The following ABCC1 variants were observed in gnomAD, a reference collection of about 807,000 sequenced individuals.
ABCC1 encodes ATP binding cassette subfamily C member 1 (ABCC1 blood group).
Under a neutral mutation model 172.9 loss-of-function variants are expected in ABCC1, and 83 were observed. That is an observed-to-expected ratio of 0.48 (90% CI 0.40 to 0.58). The LOEUF (loss-of-function observed/expected upper bound fraction) is 0.58, where lower values mean the gene tolerates loss of function less well. Among genes scored for constraint, ABCC1 ranks in the 20% least tolerant of loss-of-function variants. The pLI, the probability that ABCC1 is intolerant of heterozygous loss-of-function variation, is 0.00. For synonymous variants in ABCC1, 937 were observed against 825.2 expected, an observed-to-expected ratio of 1.14 and a Z score of -2.32; for missense variants, 1,817 against 2,002.7, an observed-to-expected ratio of 0.91 and a Z score of 1.77.
At chr16:15,981,661 T>C (rs1382429055) in intron 1 of ABCC1, among the ~76,000 whole-genome samples, 1 of 152,160 alleles carries the variant, frequency 6.6e-6, no homozygotes, top group Non-Finnish European at 1.5e-5. Flanking sequence ...CCTAGACCTC[T>C]AGGCCTGTGA....
chr16:15,959,524 C>T (rs2046080296), intron 1 of ABCC1, among the ~76,000 whole-genome samples: 1 of 152,124 alleles, frequency 6.6e-6, no homozygotes, highest in Non-Finnish European at 1.5e-5. Context: ...CAGGGTCTCA[C>T]CATGTTGCCC....
At chr16:15,989,319 C>T (rs895584516) in intron 1 of ABCC1, among the ~76,000 whole-genome samples, 2 of 152,174 alleles carry the variant, frequency 1.3e-5, no homozygotes, top group Admixed American at 6.5e-5. Context: ...TCACTGCCCA[C>T]GCGATGCTGG....
intron 1 of ABCC1, among the ~76,000 whole-genome samples, chr16:15,997,268 TTTTTAG>T (rs1021726054): frequency 1.8e-4 from 28 of 152,226 alleles, no homozygotes; most frequent in Admixed American, 1.4e-3. Flanking sequence ...TTTTTTTGTA[TTTTTAG>T]TAGAGACGGG....
intron 1 of ABCC1, among the ~76,000 whole-genome samples, chr16:15,967,207 A>G (rs1209159052): frequency 6.6e-6 from 1 of 152,006 alleles, no homozygotes; most frequent in Non-Finnish European, 1.5e-5. Flanking sequence ...GGGTGAAGAG[A>G]TGTTGTAGCT....
intron 7 of ABCC1, 114 bp from the exon 8 acceptor site, chr16:16,044,336 T>G (rs2049109950): frequency 1.1e-6 from 1 of 915,006 alleles, no homozygotes; most frequent in Non-Finnish European, 1.7e-6. Flanking sequence ...TTCCCTGGGC[T>G]TGTTGTCTTT....
At chr16:16,007,270 C>A (rs944667261) in intron 1 of ABCC1, among the ~76,000 whole-genome samples, 1 of 149,404 alleles carries the variant, frequency 6.7e-6, no homozygotes, top group Non-Finnish European at 1.5e-5. Context: ...CTCTGTTGCC[C>A]AGGGTGTAGT....
At chr16:16,130,204 A>C (rs2045619571) in intron 26 of ABCC1, among the ~76,000 whole-genome samples, 1 of 152,230 alleles carries the variant, frequency 6.6e-6, no homozygotes, top group East Asian at 1.9e-4. Flanking sequence ...TGGATGAGAC[A>C]CTGCGATACA....
chr16:16,110,741 C>G (rs2052349341), intron 21 of ABCC1, among the ~76,000 whole-genome samples: 2 of 152,184 alleles, frequency 1.3e-5, no homozygotes, highest in Admixed American at 6.5e-5. Context: ...CCCAATACCT[C>G]TCTAGACTGC....
chr16:16,117,912 A>C (rs1876919801), intron 23 of ABCC1, among the ~76,000 whole-genome samples: 1 of 152,212 alleles, frequency 6.6e-6, no homozygotes, highest in Non-Finnish European at 1.5e-5. Flanking sequence ...TCTAAAAAAA[A>C]ACAGAGAAGT....
At chr16:15,988,606 C>T (rs978965219) in intron 1 of ABCC1, among the ~76,000 whole-genome samples, 1 of 152,072 alleles carries the variant, frequency 6.6e-6, no homozygotes, top group African/African-American at 2.4e-5. Flanking sequence ...ATGGAGAAAA[C>T]GAGGGTGAGT....
At chr16:16,113,871 G>A (rs979453223) in intron 22 of ABCC1, among the ~76,000 whole-genome samples, 4 of 152,108 alleles carry the variant, frequency 2.6e-5, no homozygotes, top group Admixed American at 2.6e-4. Context: ...TAGATTATCA[G>A]AAGAAGCGCA....
In ABCC1 at chr16:16,079,502, G is replaced by C. The variant is rs770318680; in HGVS notation, c.2115+24G>C. 1.9e-6 allele frequency: 3 copies of C among 1,593,962 alleles called. No homozygotes were observed. The East Asian group carries it at 6.8e-5, about 36-fold the overall frequency. Reference sequence around the variant, plus strand: ...AGGTAGGATGAGGACCAGCGGGGAGGGGCAGTGGGGAAGCTGGTGGTCTGA... The same window carrying C: ...AGGTAGGATGAGGACCAGCGGGGAGCGGCAGTGGGGAAGCTGGTGGTCTGA... On this transcript the variant is annotated intron_variant, in intron 16 of 30. Transcript: ENST00000399410.
intron 7 of ABCC1, 77 bp downstream of exon 7, chr16:16,036,680 G>A (rs1408742772): frequency 7.5e-6 from 11 of 1,475,476 alleles, no homozygotes; most frequent in Non-Finnish European, 1.0e-5. Context: ...TCCAGGATGG[G>A]GCCCTGGCAG....
At chr16:16,132,543 A>G (rs188200435) in intron 27 of ABCC1, among the ~76,000 whole-genome samples, 1,643 of 58,908 alleles carry the variant, frequency 0.028, 25 homozygotes, top group Non-Finnish European at 0.039. Flanking sequence ...TTTTTTTGAG[A>G]TGGAGTCTTA....
intron 13 of ABCC1, 21 bp downstream of exon 13, chr16:16,068,323 G>A (rs201966296): frequency 1.6e-4 from 260 of 1,612,328 alleles, no homozygotes; most frequent in Non-Finnish European, 2.0e-4. Flanking sequence ...AAGCTGGGGC[G>A]ACTTCCGAGA....
intron 1 of ABCC1, among the ~76,000 whole-genome samples, chr16:15,987,031 AG>A (rs2151612998): frequency 6.6e-6 from 1 of 152,172 alleles, no homozygotes; most frequent in East Asian, 1.9e-4. Context: ...TGGGTGTGAT[AG>A]TGTGTGTCTG....
chr16:16,114,313 AGC>A (rs755267272), intron 22 of ABCC1, among the ~76,000 whole-genome samples: 25,941 of 151,966 alleles, frequency 0.17, 2,723 homozygotes, highest in East Asian at 0.4. Flanking sequence ...TCTGAATAAT[AGC>A]TGCCATTATC....
At chr16:16,092,918 G>T (rs2152027555) in intron 19 of ABCC1, among the ~76,000 whole-genome samples, 1 of 152,328 alleles carries the variant, frequency 6.6e-6, no homozygotes, top group East Asian at 1.9e-4. Flanking sequence ...GAGCCTGGGA[G>T]TCAGGCTGCT....
At chr16:16,001,267 A>G (rs1469718452) in intron 1 of ABCC1, among the ~76,000 whole-genome samples, 1 of 152,048 alleles carries the variant, frequency 6.6e-6, no homozygotes, top group Non-Finnish European at 1.5e-5. Flanking sequence ...GCTGGAGTGC[A>G]GTGGCGCGAT....
Sources: allele counts gnomAD v4.1 joint callset (sites outside exome capture counted in the v4.1 genomes callset), GRCh38; gene constraint gnomAD v4.1.1; transcripts MANE v1.5; gene names NCBI Gene and HGNC (gene_info 2026-07-23, HGNC 2026-07-21).